DIAPH2: variants seen among roughly 807,000 people sequenced by gnomAD.
The protein encoded by DIAPH2 is diaphanous related formin 2.
A neutral mutation model predicts 92.7 loss-of-function variants in DIAPH2; 35 were observed. That is an observed-to-expected ratio of 0.38 (90% CI 0.29 to 0.50). The LOEUF (loss-of-function observed/expected upper bound fraction) is 0.50, where lower values mean the gene tolerates loss of function less well. Among genes scored for constraint, DIAPH2 ranks in the 20% least tolerant of loss-of-function variants. The pLI, the probability that DIAPH2 is intolerant of heterozygous loss-of-function variation, is 0.94. For missense variants in DIAPH2, 701 were observed against 819.5 expected (o/e 0.86, Z 1.77); for synonymous variants, 301 against 280.4 (o/e 1.07, Z -0.73).
chrX:97,050,507 T>G (rs1304202607), intron 17 of DIAPH2, among the ~76,000 whole-genome samples: 2 of 91,127 alleles, frequency 2.2e-5, no homozygotes, highest in African/African-American at 4.9e-5. Flanking sequence ...CGTTTTTTTG[T>G]TTTTTTTTTT....
chrX:96,758,927 A>C (rs2064249651), intron 4 of DIAPH2, among the ~76,000 whole-genome samples: 1 of 111,047 alleles, frequency 9.0e-6, no homozygotes, highest in Non-Finnish European at 1.9e-5. Context: ...TGCACTTCCA[A>C]ATATAGTCTT....
chrX:97,163,993 T>C (rs1309618451), intron 22 of DIAPH2, among the ~76,000 whole-genome samples: 2 of 112,451 alleles, frequency 1.8e-5, no homozygotes, highest in Admixed American at 1.9e-4. Flanking sequence ...ACCAGAGATA[T>C]TTCTTTAATG....
At chrX:97,016,418 G>GA (rs1254877147) in intron 17 of DIAPH2, among the ~76,000 whole-genome samples, 1 of 111,701 alleles carries the variant, frequency 9.0e-6, no homozygotes, top group Non-Finnish European at 1.9e-5. Flanking sequence ...GTGTCGTTAT[G>GA]AAAAAAATCA....
chrX:96,757,654 CT>C (rs1314943604), intron 3 of DIAPH2, among the ~76,000 whole-genome samples: 3 of 111,498 alleles, frequency 2.7e-5, no homozygotes, highest in Non-Finnish European at 3.8e-5. Flanking sequence ...GCTGTTTCTG[CT>C]TTTTTTTCTT....
intron 5 of DIAPH2, among the ~76,000 whole-genome samples, chrX:96,882,975 A>AC (rs1169178123): frequency 5.6e-5 from 3 of 53,110 alleles, no homozygotes; most frequent in East Asian, 5.2e-4. Flanking sequence ...AAAAAAAAAA[A>AC]AAAAAAAACA....
intron 19 of DIAPH2, among the ~76,000 whole-genome samples, chrX:97,092,553 T>C (rs1422317385): frequency 8.9e-6 from 1 of 112,717 alleles, no homozygotes; most frequent in Non-Finnish European, 1.9e-5. Flanking sequence ...TTTAGTCTAA[T>C]GGATAACTTA....
chrX:96,837,425 CTCTCTCTCTGTG>C (rs1451161279), intron 4 of DIAPH2, among the ~76,000 whole-genome samples: 9,287 of 81,159 alleles, frequency 0.11, 1,843 homozygotes, highest in African/African-American at 0.45. Flanking sequence ...CTCTCTCTCT[CTCTCTCTCTGTG>C]TGTGTGTGTG....
At chrX:96,690,859 T>G (rs2063794896) in intron 1 of DIAPH2, among the ~76,000 whole-genome samples, 1 of 112,180 alleles carries the variant, frequency 8.9e-6, no homozygotes, top group Non-Finnish European at 1.9e-5. Flanking sequence ...AGAAACTGAG[T>G]CACTGAAATG....
intron 9 of DIAPH2, among the ~76,000 whole-genome samples, chrX:96,920,621 G>A (rs2065536135): frequency 9.0e-6 from 1 of 111,720 alleles, no homozygotes; most frequent in Admixed American, 9.5e-5. Flanking sequence ...TTTGAATACG[G>A]CATTGCCTAT....
chrX:97,495,659 G>A (rs1490329553), intron 26 of DIAPH2, among the ~76,000 whole-genome samples: 11 of 111,903 alleles, frequency 9.8e-5, no homozygotes, highest in Non-Finnish European at 1.9e-5. Flanking sequence ...ATAAGATCTT[G>A]GAATGTGAAT....
chrX:97,059,733 G>A (rs11796803), intron 17 of DIAPH2, among the ~76,000 whole-genome samples: 32,686 of 111,074 alleles, frequency 0.29, 4,372 homozygotes, highest in South Asian at 0.5. Flanking sequence ...TTAAGTGGAA[G>A]TGGATCACCA....
chrX:97,522,802 A>G (rs751600824), intron 26 of DIAPH2, among the ~76,000 whole-genome samples: 4 of 112,478 alleles, frequency 3.6e-5, no homozygotes, highest in Non-Finnish European at 5.6e-5. Context: ...CCTCCTGCCC[A>G]TGAACACTTC....
chrX:97,415,474 C>G (rs961011607), intron 25 of DIAPH2, among the ~76,000 whole-genome samples: 1 of 111,805 alleles, frequency 8.9e-6, no homozygotes, highest in Non-Finnish European at 1.9e-5. Flanking sequence ...CAACGATAGA[C>G]TGGATTAAGA....
intron 24 of DIAPH2, among the ~76,000 whole-genome samples, chrX:97,374,637 C>G (rs1374214336): frequency 2.7e-5 from 3 of 112,222 alleles, no homozygotes; most frequent in African/African-American, 6.5e-5. Flanking sequence ...CTCTCAGAGT[C>G]TAGTTACTGC....
chrX:96,910,226 G>A (rs992226878), intron 5 of DIAPH2, among the ~76,000 whole-genome samples: 5 of 110,563 alleles, frequency 4.5e-5, no homozygotes, highest in Non-Finnish European at 3.8e-5. Context: ...TGATTATCGA[G>A]GCTTTAGAGA....
chrX:97,088,890 C>T (rs768789499), intron 19 of DIAPH2, among the ~76,000 whole-genome samples: 3 of 111,269 alleles, frequency 2.7e-5, no homozygotes, highest in Non-Finnish European at 5.7e-5. Context: ...CACAGTTTCC[C>T]GGGTTTCATC....
intron 17 of DIAPH2, among the ~76,000 whole-genome samples, chrX:97,006,883 GA>G (rs1379873517): frequency 9.1e-6 from 1 of 110,320 alleles, no homozygotes; most frequent in African/African-American, 3.3e-5. Flanking sequence ...TAGAGAAGAT[GA>G]TTGTCTCTGG....
intron 26 of DIAPH2, among the ~76,000 whole-genome samples, chrX:97,594,859 T>C (rs2071540594): frequency 8.9e-6 from 1 of 111,936 alleles, no homozygotes; most frequent in African/African-American, 3.2e-5. Flanking sequence ...TGAAGCACCA[T>C]AGGGAAAGAA....
At chrX:96,846,614 A>G (rs1396703148) in intron 4 of DIAPH2, among the ~76,000 whole-genome samples, 1 of 112,467 alleles carries the variant, frequency 8.9e-6, no homozygotes, top group East Asian at 2.8e-4. Context: ...GCAAGCAATG[A>G]TAAAATATGC....
Sources: allele counts gnomAD v4.1 joint callset (sites outside exome capture counted in the v4.1 genomes callset), GRCh38; gene constraint gnomAD v4.1.1; transcripts MANE v1.5; gene names NCBI Gene and HGNC (gene_info 2026-07-23, HGNC 2026-07-21).